The following BACE2 variants were observed in gnomAD, a reference collection of about 807,000 sequenced individuals.
BACE2 encodes beta-secretase 2.
BACE2 carries 17 observed loss-of-function variants against 46.2 expected under a neutral mutation model. The ratio of observed to expected loss-of-function variants is 0.37; its 90% CI spans 0.25 to 0.55. The LOEUF (loss-of-function observed/expected upper bound fraction) is 0.55, where lower values mean the gene tolerates loss of function less well. Among genes scored for constraint, BACE2 ranks in the 20% least tolerant of loss-of-function variants. BACE2 has a pLI of 0.82. For synonymous variants in BACE2, 277 were observed against 295.9 expected (o/e 0.94, Z 0.66); for missense variants, 595 against 698.1 (o/e 0.85, Z 1.66).
chr21:41,267,091 C>T (rs996993175), intron 8 of BACE2, among the ~76,000 whole-genome samples: 1 of 152,120 alleles, frequency 6.6e-6, no homozygotes, highest in African/African-American at 2.4e-5. Flanking sequence ...TTTCAAAATA[C>T]ACCTGGTCAA....
intron 1 of BACE2, among the ~76,000 whole-genome samples, chr21:41,194,102 C>G (rs1012019218): frequency 6.6e-6 from 1 of 152,180 alleles, no homozygotes; most frequent in African/African-American, 2.4e-5. Context: ...CCATGATTCT[C>G]TGTTTTTATA....
intron 1 of BACE2, chr21:41,182,965 C>G (rs1322252319): frequency 3.6e-5 from 6 of 166,378 alleles, no homozygotes; most frequent in Non-Finnish European, 7.3e-5. Flanking sequence ...TTAGTAACTT[C>G]CGGATTAGAC....
rs1275566069 is a variant in BACE2 at position 41,273,557 on chromosome 21, C to A, written c.1304-1814C>A. Among the ~76,000 whole-genome samples the A allele has an allele frequency of 2.0e-5, 3 of 152,222 alleles. No homozygotes were observed. In the East Asian group the frequency reaches 5.8e-4, roughly 29 times the overall value. On this transcript the variant is annotated intron_variant, in intron 8 of 8. Transcript: ENST00000330333. ...CCGCCCGGCTCTCAGGCAGCCAGAC[C>A]TAATGGTTATCTCCTTTGTTCCCTG... is the stretch of plus-strand genomic sequence containing the variant.
chr21:41,225,096 C>T (rs1428076022), intron 1 of BACE2, among the ~76,000 whole-genome samples: 3 of 151,896 alleles, frequency 2.0e-5, no homozygotes, highest in East Asian at 1.9e-4. Context: ...TATCCGGGCT[C>T]GGTGGCGGGC....
Position 41,194,215 on chromosome 21 carries a change from A to G in BACE2, c.312+25640A>G, listed in dbSNP as rs145112876. On this transcript the variant is annotated intron_variant, in intron 1 of 8. Transcript: ENST00000330333. The stretch of plus-strand genomic sequence containing the variant: ...TATCAATTTCACTTCTAGGAACACC[A>G]TGATTAATTAACCAATGCCGGAGCT... Among the ~76,000 whole-genome samples, 40 of 140,294 alleles carry G rather than the reference A, an allele frequency of 2.9e-4. No individual in the cohort carries two copies. The East Asian group carries it at 8.2e-3, about 29-fold the overall frequency. The allele number at this position is 140,294 out of a possible 152,430, so 92.0% of individuals were successfully genotyped here.
chr21:41,222,477 G>A (rs1986688232), intron 1 of BACE2, among the ~76,000 whole-genome samples: 1 of 152,368 alleles, frequency 6.6e-6, no homozygotes, highest in East Asian at 1.9e-4. Context: ...GTGGCCAGGG[G>A]AAAGGCCCTG....
chr21:41,269,068 C>T (rs2088407989), intron 8 of BACE2, among the ~76,000 whole-genome samples: 1 of 152,128 alleles, frequency 6.6e-6, no homozygotes, highest in Admixed American at 6.5e-5. Flanking sequence ...GATTCTCCTG[C>T]CTCAGCCTCC....
At chr21:41,187,297 A>G (rs1245803344) in intron 1 of BACE2, among the ~76,000 whole-genome samples, 1 of 152,220 alleles carries the variant, frequency 6.6e-6, no homozygotes, top group East Asian at 1.9e-4. Flanking sequence ...TTCTGGCTCA[A>G]TAGCTGGCCA....
chr21:41,231,907 A>G (rs1986975410), intron 2 of BACE2, among the ~76,000 whole-genome samples: 1 of 151,814 alleles, frequency 6.6e-6, no homozygotes, highest in African/African-American at 2.4e-5. Flanking sequence ...AGTGCTGGAA[A>G]CTCTACGCTA....
intron 8 of BACE2, among the ~76,000 whole-genome samples, chr21:41,268,107 G>A (rs1321773647): frequency 2.6e-5 from 4 of 152,176 alleles, no homozygotes; most frequent in Non-Finnish European, 5.9e-5. Context: ...GGACACTTAC[G>A]TAGCACCGAT....
intron 8 of BACE2, among the ~76,000 whole-genome samples, chr21:41,264,746 A>T (rs902674376): frequency 7.2e-5 from 11 of 152,142 alleles, no homozygotes; most frequent in Non-Finnish European, 1.5e-4. Flanking sequence ...AACACTTGGG[A>T]TCCCAATTCA....
intron 1 of BACE2, among the ~76,000 whole-genome samples, chr21:41,210,498 G>T (rs919191096): frequency 2.0e-5 from 3 of 152,170 alleles, no homozygotes; most frequent in Admixed American, 2.0e-4. Context: ...CTGTTCTCAT[G>T]GCACAGCGTC....
chr21:41,242,112 T>G (rs1485177581), intron 4 of BACE2, among the ~76,000 whole-genome samples, 165 bp downstream of exon 4: 1 of 152,092 alleles, frequency 6.6e-6, no homozygotes, highest in African/African-American at 2.4e-5. Flanking sequence ...TGGCTAAAAT[T>G]AGGCAATCCT....
At chr21:41,253,934 G>A (rs1000180947) in intron 7 of BACE2, among the ~76,000 whole-genome samples, 3 of 152,192 alleles carry the variant, frequency 2.0e-5, no homozygotes, top group Non-Finnish European at 4.4e-5. Context: ...CTTTCTGGGA[G>A]GGGACTCCAG....
At chr21:41,243,169 C>T (rs1987355731) in intron 4 of BACE2, among the ~76,000 whole-genome samples, 2 of 152,226 alleles carry the variant, frequency 1.3e-5, no homozygotes, top group Admixed American at 1.3e-4. Context: ...ACCTCAGCCT[C>T]CCAAAGTGCT....
chr21:41,271,277 T>A (rs1026374819), intron 8 of BACE2, among the ~76,000 whole-genome samples: 3 of 152,194 alleles, frequency 2.0e-5, no homozygotes, highest in African/African-American at 7.2e-5. Flanking sequence ...TTGTGATGTT[T>A]AGGCCAGAGA....
chr21:41,202,192 G>A (rs149165808), intron 1 of BACE2, among the ~76,000 whole-genome samples: 3 of 152,322 alleles, frequency 2.0e-5, no homozygotes, highest in African/African-American at 7.2e-5. Context: ...TGCCATGTGC[G>A]GAAACTGACG....
At chr21:41,274,157 G>C (rs935747535) in intron 8 of BACE2, among the ~76,000 whole-genome samples, 1 of 151,976 alleles carries the variant, frequency 6.6e-6, no homozygotes, top group Non-Finnish European at 1.5e-5. Flanking sequence ...ATTGACTGCA[G>C]GGTGCATCCC....
intron 7 of BACE2, among the ~76,000 whole-genome samples, chr21:41,255,916 C>T (rs1987774474): frequency 6.6e-6 from 1 of 152,138 alleles, no homozygotes; most frequent in Non-Finnish European, 1.5e-5. Context: ...ATATTTTAAC[C>T]CCAAATATAT....
Sources: allele counts gnomAD v4.1 joint callset (sites outside exome capture counted in the v4.1 genomes callset), GRCh38; gene constraint gnomAD v4.1.1; transcripts MANE v1.5; gene names NCBI Gene and HGNC (gene_info 2026-07-23, HGNC 2026-07-21).